CHD8: variants seen among roughly 807,000 people sequenced by gnomAD.
CHD8 encodes chromodomain helicase DNA binding protein 8, also known as ATP-dependent chromatin remodeler CHD8.
In CHD8, 31 loss-of-function variants were observed where a neutral mutation model predicts 279.2. That is an observed-to-expected ratio of 0.11 (90% CI 0.08 to 0.15). CHD8 has a LOEUF of 0.15. Ranked by LOEUF, CHD8 falls within the 10% of genes least tolerant of loss-of-function variation. The pLI, the probability that CHD8 is intolerant of heterozygous loss-of-function variation, is 1.00. For synonymous variants in CHD8, 1,081 were observed against 1,139.6 expected (o/e 0.95, Z 1.04); for missense variants, 2,146 against 3,230.5 (o/e 0.66, Z 8.14).
chr14:21,414,875 CAGG>C lies in CHD8; in HGVS notation c.2024+60_2024+62del, dbSNP rs1294937111. Reference sequence around the variant, plus strand: ...GGGACACATTCCCACCCAGGATACCCAGGAGAACTTTTTACCACCCTGTGGAAT... The same window carrying C: ...GGGACACATTCCCACCCAGGATACCCAGAACTTTTTACCACCCTGTGGAAT... On this transcript the variant is annotated intron_variant, in intron 8 of 37. Coordinates refer to ENST00000646647, the MANE Select transcript of CHD8 (RefSeq NM_001170629.2). The C allele has an allele frequency of 6.4e-5, 82 of 1,274,896 alleles. 1 individual carries two copies. In the East Asian group the frequency reaches 1.3e-3, roughly 20 times the overall value. 79.0% of individuals were successfully genotyped at this position (1,274,896 alleles called of 1,614,324 possible). A position where few individuals can be genotyped will look rare whatever the true frequency, so the allele number is the denominator to read the frequency against.
At chr14:21,412,705 A>T (rs1297864288) in intron 10 of CHD8, among the ~76,000 whole-genome samples, 1 of 151,716 alleles carries the variant, frequency 6.6e-6, no homozygotes, top group East Asian at 2.0e-4. Flanking sequence ...TAGCCTCTAC[A>T]TGTCTGACTT....
intron 4 of CHD8, 170 bp from the exon 5 acceptor site, chr14:21,426,412 T>C (rs1192187454): frequency 1.7e-6 from 1 of 576,884 alleles, no homozygotes; most frequent in Non-Finnish European, 3.1e-6. Context: ...AAAGAAGATA[T>C]TAGGGTTTGT....
In CHD8 at chr14:21,430,995, T is replaced by C. The variant is rs771079174; in HGVS notation, c.649A>G (p.Ile217Val). 1.3e-6 allele frequency: 2 copies of C among 1,599,414 alleles called. No individual in the cohort carries two copies. Among genetic ancestry groups the C allele is most frequent in the East Asian group, 2.2e-5 (1 of 44,894 alleles). The part of the protein sequence containing the change: ...TGTPLRPGVS[I>V]VSGNTVLAAK... ...GCCAACACTGTATTACCAGAGACAATGGAAACACCTGGTCGAAGGGGTGTG... is the reference window on the plus strand; with the variant it reads ...GCCAACACTGTATTACCAGAGACAACGGAAACACCTGGTCGAAGGGGTGTG... Residue 217 changes from isoleucine to valine, a missense_variant, in exon 2 of 38, where the codon ATT becomes GTT. Transcript: ENST00000646647.
intron 21 of CHD8, 26 bp downstream of exon 21, chr14:21,401,377 C>T: frequency 7.2e-7 from 1 of 1,384,528 alleles, no homozygotes; most frequent in Non-Finnish European, 9.9e-7. Flanking sequence ...TTCTGCGATA[C>T]TTCCTCCCTA....
intron 26 of CHD8, 140 bp from the exon 27 acceptor site, chr14:21,398,092 T>C (rs1887866259): frequency 1.3e-6 from 1 of 762,052 alleles, no homozygotes; most frequent in Non-Finnish European, 2.0e-6. Flanking sequence ...CTTGGACAAC[T>C]ACTGGGTTTA....
chr14:21,401,630 G>C, intron 20 of CHD8, 117 bp from the exon 21 acceptor site: 1 of 672,466 alleles, frequency 1.5e-6, no homozygotes, highest in Non-Finnish European at 2.4e-6. Flanking sequence ...TGTTGCCCAG[G>C]CTGGGGTACA....
At position 21,394,150 on chromosome 14, in the gene CHD8, C is replaced by T. The variant is rs1366259914; in HGVS notation, c.5645G>A (p.Arg1882Lys). The change falls in exon 32 of 38, where the codon AGA becomes AAA. Residue 1882 changes from arginine to lysine, a missense_variant. Around this residue, in one of 26 missense-constraint regions of CHD8, gnomAD observed 513 missense variants for 637.6 expected, o/e 0.80. Transcript: ENST00000646647. The stretch of plus-strand genomic sequence containing the variant: ...TATACGGTAGAGAGTCCGTGAGGCT[C>T]TCTCCTCAGTGATGGGCTCAATGAA... ...NLFIEPITEE[R>K]ASRTLYRIEL... 5 of 1,609,338 alleles carry T rather than the reference C, an allele frequency of 3.1e-6. No homozygotes were observed. The highest frequency in any genetic ancestry group is 2.2e-5 in the East Asian group (1 of 44,782).
At chr14:21,415,037 A>C (rs201176321) in intron 7 of CHD8, 44 bp from the exon 8 acceptor site, 20 of 1,347,072 alleles carry the variant, frequency 1.5e-5, no homozygotes, top group African/African-American at 2.9e-5. Flanking sequence ...CTTATTTGTA[A>C]AAGAATGAAC....
intron 5 of CHD8, among the ~76,000 whole-genome samples, chr14:21,421,625 T>G (rs994029937): frequency 6.6e-6 from 1 of 152,168 alleles, no homozygotes; most frequent in Non-Finnish European, 1.5e-5. Flanking sequence ...GCCAAAAAGA[T>G]TGTCCCAATT....
At position 21,429,312 on chromosome 14, in the gene CHD8, C is replaced by G; in HGVS notation, c.867G>C (p.Leu289=). 6.2e-7 allele frequency: 1 copy of G among 1,603,022 alleles called. No individual in the cohort carries two copies. Among genetic ancestry groups the G allele is most frequent in the Non-Finnish European group, 8.5e-7 (1 of 1,172,236 alleles). ...PTQGESKRIT[L]VLQQPQSGGP... The stretch of plus-strand genomic sequence containing the variant: ...CTCCAGACTGTGGCTGCTGGAGGAC[C>G]AGGGTGATGCGTTTCGATTCACCCT... Residue 289 remains leucine (L), a synonymous_variant, in exon 3 of 38, where the codon CTG becomes CTC. Transcript: ENST00000646647.
At chr14:21,449,897 C>T (rs960474125) in intron 1 of CHD8, among the ~76,000 whole-genome samples, 10 of 152,118 alleles carry the variant, frequency 6.6e-5, no homozygotes, top group Non-Finnish European at 1.5e-4. Flanking sequence ...GTTAAATTTT[C>T]ATTTAAAAAA....
intron 5 of CHD8, among the ~76,000 whole-genome samples, chr14:21,421,036 C>A (rs528719208): frequency 3.9e-5 from 6 of 152,160 alleles, no homozygotes; most frequent in African/African-American, 1.2e-4. Context: ...GCTGGGATTA[C>A]CGGCATGAGC....
intron 8 of CHD8, 154 bp from the exon 9 acceptor site, chr14:21,414,572 G>T: frequency 1.7e-6 from 1 of 605,700 alleles, no homozygotes; most frequent in Admixed American, 3.0e-5. Flanking sequence ...ACTCTAATTT[G>T]TATACAAACC....
At position 21,410,786 on chromosome 14, in the gene CHD8, AC is replaced by A. The variant is rs1888456752; in HGVS notation, c.2227-799del. 4.6e-5 allele frequency among the ~76,000 whole-genome samples: 7 copies of A among 152,256 alleles called. No individual in the cohort carries two copies. The South Asian group carries it at 1.4e-3, about 31-fold the overall frequency. On this transcript the variant is annotated intron_variant, in intron 10 of 37. Coordinates refer to ENST00000646647, the MANE Select transcript of CHD8 (RefSeq NM_001170629.2). The stretch of plus-strand genomic sequence containing the variant: ...ATTCATAGAAAACTTAAAATAGCCA[AC>A]AAAATATGTGAAAGTGCCTCAAGGT...
intron 27 of CHD8, 35 bp from the exon 28 acceptor site, chr14:21,395,927 A>C (rs768628965): frequency 7.2e-7 from 1 of 1,396,126 alleles, no homozygotes; most frequent in African/African-American, 1.4e-5. Flanking sequence ...AAATGTTAAT[A>C]ATGTATCTTC....
intron 9 of CHD8, among the ~76,000 whole-genome samples, chr14:21,413,520 G>T (rs950501877): frequency 6.6e-6 from 1 of 150,868 alleles, no homozygotes; most frequent in African/African-American, 2.4e-5. Context: ...TCAGCCTCCC[G>T]AGTAGCTGGG....
intron 5 of CHD8, among the ~76,000 whole-genome samples, chr14:21,417,941 T>C (rs981858819): frequency 6.7e-6 from 1 of 149,930 alleles, no homozygotes; most frequent in Non-Finnish European, 1.5e-5. Flanking sequence ...GGGGTAGATT[T>C]ATAATACCAA....
At chr14:21,419,404 T>TA (rs1888908633) in intron 5 of CHD8, among the ~76,000 whole-genome samples, 1 of 151,846 alleles carries the variant, frequency 6.6e-6, no homozygotes, top group African/African-American at 2.4e-5. Context: ...ACTAAAAATA[T>TA]AAAAAATCAC....
intron 9 of CHD8, 29 bp from the exon 10 acceptor site, chr14:21,413,025 G>C (rs753093384): frequency 7.4e-7 from 1 of 1,353,930 alleles, no homozygotes; most frequent in Non-Finnish European, 1.1e-6. Flanking sequence ...CAAACAATAA[G>C]ACCAAAAGAT....
Sources: gnomAD v4.1 joint callset for allele counts (sites outside exome capture counted in the v4.1 genomes callset) on GRCh38, gnomAD v4.1.1 for gene constraint, gnomAD v4.1.1 regional missense constraint, MANE v1.5 for transcripts, NCBI Gene and HGNC (gene_info 2026-07-23, HGNC 2026-07-21) for gene names.